Variants in CHRNB1 observed in about 807,000 individuals in gnomAD.
The protein encoded by CHRNB1 is acetylcholine receptor subunit beta.
A neutral mutation model predicts 53.8 loss-of-function variants in CHRNB1; 47 were observed. That is an observed-to-expected ratio of 0.87 (90% CI 0.69 to 1.11). The LOEUF (loss-of-function observed/expected upper bound fraction) is 1.11, where lower values mean the gene tolerates loss of function less well. CHRNB1 is among the 50% of genes most tolerant of loss of function. The pLI, the probability that CHRNB1 is intolerant of heterozygous loss-of-function variation, is 0.00. For synonymous variants in CHRNB1, 259 were observed against 263.5 expected, an observed-to-expected ratio of 0.98 and a Z score of 0.16; for missense variants, 605 against 654.9, an observed-to-expected ratio of 0.92 and a Z score of 0.83.
chr17:7,448,308 C>A (rs1020468507), intron 6 of CHRNB1, among the ~76,000 whole-genome samples: 14 of 151,998 alleles, frequency 9.2e-5, no homozygotes, highest in Non-Finnish European at 1.9e-4. Context: ...ATCACTTGAA[C>A]CTGGGAGGCG....
At chr17:7,450,141 C>A (rs1172085803) in intron 7 of CHRNB1, among the ~76,000 whole-genome samples, 2 of 148,714 alleles carry the variant, frequency 1.3e-5, no homozygotes, top group Non-Finnish European at 3.0e-5. Flanking sequence ...TGGCAAATTC[C>A]TTAATCTTTT....
chr17:7,451,935 G>A (rs892664971), intron 7 of CHRNB1, among the ~76,000 whole-genome samples: 10 of 152,192 alleles, frequency 6.6e-5, no homozygotes, highest in African/African-American at 2.4e-4. Flanking sequence ...GGCTGTCCTA[G>A]AGGGCCACCC....
chr17:7,445,246 T>C lies in CHRNB1; in HGVS notation c.59-24T>C. The stretch of plus-strand genomic sequence containing the variant: ...AGCGGTCGTGGCCAGGCACCAGGGC[T>C]GCACTTATTCTCTCCTCCCCCAGGC... On this transcript the variant is annotated intron_variant, in intron 1 of 10. Coordinates refer to ENST00000306071, the MANE Select transcript of CHRNB1 (RefSeq NM_000747.3). This position sits in a 1 kb window ranked among gnomAD's most constrained non-coding sequence, Gnocchi z 5.7. 6.2e-7 allele frequency: 1 copy of C among 1,612,354 alleles called. No individual in the cohort carries two copies. Among genetic ancestry groups the C allele is most frequent in the Non-Finnish European group, 8.5e-7 (1 of 1,179,610 alleles).
intron 7 of CHRNB1, among the ~76,000 whole-genome samples, chr17:7,453,373 C>T (rs551886578): frequency 8.4e-4 from 128 of 152,212 alleles, no homozygotes; most frequent in African/African-American, 3.0e-3. Flanking sequence ...CCTGCCTCGG[C>T]CTCGCAAAGT....
intron 8 of CHRNB1, among the ~76,000 whole-genome samples, chr17:7,454,770 G>C (rs1038374926): frequency 6.8e-6 from 1 of 147,050 alleles, no homozygotes; most frequent in Non-Finnish European, 1.5e-5. Flanking sequence ...TTCCAGTTGG[G>C]ATACCTCCCA....
At position 7,454,451 on chromosome 17, in the gene CHRNB1, T is replaced by G; in HGVS notation, c.975T>G (p.Leu325=). Residue 325 remains leucine (L), a synonymous_variant, in exon 8 of 11, where the codon CTT becomes CTG. Coordinates refer to ENST00000306071, the MANE Select transcript of CHRNB1 (RefSeq NM_000747.3). ...TCCTCGTCACCTTCTCAGTCATCCT[T>G]AGTGTCGTGGTTCTCAACCTGCACC... ...TMVLVTFSVI[L]SVVVLNLHHR... is the part of the protein sequence containing the mutation. 1 of 1,614,126 alleles carries G rather than the reference T, an allele frequency of 6.2e-7. No homozygotes were observed.
At chr17:7,455,218 T>C (rs1169487135) in intron 8 of CHRNB1, 66 bp from the exon 9 acceptor site, 2 of 1,589,076 alleles carry the variant, frequency 1.3e-6, no homozygotes, top group African/African-American at 1.3e-5. Context: ...AGTGGGGTGG[T>C]TGGCTGTTTC....
In CHRNB1 at chr17:7,445,653, G is replaced by A. The variant is rs1216909191; in HGVS notation, c.198+244G>A. Reference sequence around the variant, plus strand: ...CGGACCTGTGATCGGACCTTAAAGTGGGGCTGGGGACGAGGCAGGGGCTGG... The same window carrying A: ...CGGACCTGTGATCGGACCTTAAAGTAGGGCTGGGGACGAGGCAGGGGCTGG... On this transcript the variant is annotated intron_variant, in intron 2 of 10. Transcript: ENST00000306071. This position sits in a 1 kb window ranked among gnomAD's most constrained non-coding sequence, Gnocchi z 5.7. 3.6e-6 allele frequency: 5 copies of A among 1,406,284 alleles called. No homozygotes were observed. The highest frequency in any genetic ancestry group is 3.7e-6 in the Non-Finnish European group (4 of 1,072,576). 87.1% of individuals were successfully genotyped at this position (1,406,284 alleles called of 1,614,324 possible).
At chr17:7,446,979 G>A in intron 4 of CHRNB1, 37 bp downstream of exon 4, 1 of 1,569,848 alleles carries the variant, frequency 6.4e-7, no homozygotes, top group Non-Finnish European at 8.8e-7. Flanking sequence ...GTGGCGCGGG[G>A]CCTCGGGGGG....
chr17:7,455,491 A>AG (rs1264029615), intron 9 of CHRNB1, 35 bp downstream of exon 9: 2 of 1,610,598 alleles, frequency 1.2e-6, no homozygotes, highest in Admixed American at 1.7e-5. Context: ...TAAGAGGGAG[A>AG]GGGAGAACTA....
At chr17:7,450,991 T>C (rs1306158580) in intron 7 of CHRNB1, among the ~76,000 whole-genome samples, 3 of 152,078 alleles carry the variant, frequency 2.0e-5, no homozygotes, top group South Asian at 2.1e-4. Context: ...TCAGGAGTAC[T>C]CAAGAAACAG....
At position 7,445,528 on chromosome 17, in the gene CHRNB1, G is replaced by C. The variant is rs531280641; in HGVS notation, c.198+119G>C. The C allele has an allele frequency of 1.0e-4, 158 of 1,530,590 alleles. 1 individual carries two copies. In the South Asian group the frequency reaches 1.6e-3, roughly 15 times the overall value. 94.8% of individuals were successfully genotyped at this position (1,530,590 alleles called of 1,614,324 possible). A position where few individuals can be genotyped will look rare whatever the true frequency, so the allele number is the denominator to read the frequency against. Reference sequence around the variant, plus strand: ...CCTGGGACGAGACCAGGCTGAGATGGACCAGCCTTTGGTGAAGATTGGATC... The same window carrying C: ...CCTGGGACGAGACCAGGCTGAGATGCACCAGCCTTTGGTGAAGATTGGATC... On this transcript the variant is annotated intron_variant, in intron 2 of 10. Coordinates refer to ENST00000306071, the MANE Select transcript of CHRNB1 (RefSeq NM_000747.3). The surrounding 1 kb of genome is among the most constrained non-coding windows in gnomAD (Gnocchi z 5.7).
At position 7,450,297 on chromosome 17, in the gene CHRNB1, C is replaced by T. The variant is rs536429068; in HGVS notation, c.820+1509C>T. Among the ~76,000 whole-genome samples the T allele has an allele frequency of 4.6e-5, 7 of 152,014 alleles. No homozygotes were observed. In the South Asian group the frequency reaches 1.2e-3, roughly 27 times the overall value. On this transcript the variant is annotated intron_variant, in intron 7 of 10. Transcript: ENST00000306071. ...TAGCTGGGATTACAGGTGCCCACCA[C>T]CATGCCTGCCTAATTTTTGTAGTTT...
In CHRNB1 at chr17:7,445,480, C is replaced by T; in HGVS notation, c.198+71C>T. The T allele has an allele frequency of 6.3e-7, 1 of 1,576,506 alleles. No individual in the cohort carries two copies. The highest frequency in any genetic ancestry group is 8.6e-7 in the Non-Finnish European group (1 of 1,165,408). ...GGGCGTGGCTTTAGGCAAGGCCGGA[C>T]CAGGGACAGGCTGGGGGCGGGGCCT... On this transcript the variant is annotated intron_variant, in intron 2 of 10. Transcript: ENST00000306071. The surrounding 1 kb of genome is among the most constrained non-coding windows in gnomAD (Gnocchi z 5.7).
intron 7 of CHRNB1, among the ~76,000 whole-genome samples, chr17:7,453,182 A>G (rs745532922): frequency 2.6e-5 from 4 of 152,128 alleles, no homozygotes; most frequent in Non-Finnish European, 5.9e-5. Flanking sequence ...CAATGGCACG[A>G]TCTCGACTCA....
Position 7,445,416 on chromosome 17 carries a change from G to T in CHRNB1, c.198+7G>T, listed in dbSNP as rs1272722679. 6.2e-7 allele frequency: 1 copy of T among 1,610,388 alleles called. No homozygotes were observed. The highest frequency in any genetic ancestry group is 8.5e-7 in the Non-Finnish European group (1 of 1,179,334). Reference sequence around the variant, plus strand: ...GGCGCAACTCATCAGCCTGGTGAGGGCGCGCGGGGGGTGGAGGTCAGGCCA... The same window carrying T: ...GGCGCAACTCATCAGCCTGGTGAGGTCGCGCGGGGGGTGGAGGTCAGGCCA... On this transcript the variant is annotated splice_region_variant and intron_variant, in intron 2 of 10. Transcript: ENST00000306071. The surrounding 1 kb of genome is among the most constrained non-coding windows in gnomAD (Gnocchi z 5.7).
rs1182529366 is a variant in CHRNB1, at chr17:7,445,452, CG to C, written c.198+48del. The stretch of plus-strand genomic sequence containing the variant: ...GTGGAGGTCAGGCCAGCCGACCGGC[CG>C]GGGGCGTGGCTTTAGGCAAGGCCGG... On this transcript the variant is annotated intron_variant, in intron 2 of 10. Coordinates refer to ENST00000306071, the MANE Select transcript of CHRNB1 (RefSeq NM_000747.3). The surrounding 1 kb of genome is among the most constrained non-coding windows in gnomAD (Gnocchi z 5.7). The C allele has an allele frequency of 1.3e-6, 2 of 1,598,928 alleles. No individual in the cohort carries two copies. Among genetic ancestry groups the C allele is most frequent in the South Asian group, 1.1e-5 (1 of 89,940 alleles).
chr17:7,447,361 C>G (rs1908683440), intron 5 of CHRNB1, 142 bp from the exon 6 acceptor site: 2 of 1,029,132 alleles, frequency 1.9e-6, no homozygotes, highest in South Asian at 2.6e-5. Flanking sequence ...CCCTCCCCAT[C>G]CCTCCCCCAT....
At position 7,457,533 on chromosome 17, in the gene CHRNB1, T is replaced by C. The variant is rs1293130889; in HGVS notation, c.*810T>C. The C allele has an allele frequency of 6.6e-6, 1 of 152,166 alleles. No homozygotes were observed. Among genetic ancestry groups the C allele is most frequent in the African/African-American group, 2.4e-5 (1 of 41,416 alleles). 9.4% of individuals were successfully genotyped at this position (152,166 alleles called of 1,614,324 possible). A position where few individuals can be genotyped will look rare whatever the true frequency, so the allele number is the denominator to read the frequency against. On this transcript the variant is annotated 3_prime_UTR_variant, in exon 11 of 11. Coordinates refer to ENST00000306071, the MANE Select transcript of CHRNB1 (RefSeq NM_000747.3). ...GGGAGGATTACTTGAAACCCACAGTTTGAGACCAGCCTGGGCAACATAGTG... is the reference window on the plus strand; with the variant it reads ...GGGAGGATTACTTGAAACCCACAGTCTGAGACCAGCCTGGGCAACATAGTG...
Sources: gnomAD v4.1 joint callset for allele counts (sites outside exome capture counted in the v4.1 genomes callset) on GRCh38, gnomAD v4.1.1 for gene constraint, Gnocchi (gnomAD v3.1) non-coding constraint, MANE v1.5 for transcripts, NCBI Gene and HGNC (gene_info 2026-07-23, HGNC 2026-07-21) for gene names.